The following RSPRY1 variants were observed in gnomAD, a reference collection of about 807,000 sequenced individuals.
RSPRY1 encodes RING finger and SPRY domain-containing protein 1.
A neutral mutation model predicts 73.1 loss-of-function variants in RSPRY1; 23 were observed. That is an observed-to-expected ratio of 0.31 (90% CI 0.23 to 0.45). RSPRY1 has a LOEUF of 0.45. RSPRY1 is among the 20% of genes least tolerant of loss of function. The pLI, the probability that RSPRY1 is intolerant of heterozygous loss-of-function variation, is 1.00. For missense variants in RSPRY1, 448 were observed against 698.7 expected (o/e 0.64, Z 4.05); for synonymous variants, 226 against 251.4 (o/e 0.90, Z 0.95).
At chr16:57,209,876 T>C (rs1306403757) in intron 4 of RSPRY1, among the ~76,000 whole-genome samples, 2 of 152,088 alleles carry the variant, frequency 1.3e-5, no homozygotes, top group Non-Finnish European at 2.9e-5. Context: ...GGTTTCATCA[T>C]GTTGCCCAGG....
At chr16:57,233,374 A>T (rs1404811606) in intron 13 of RSPRY1, among the ~76,000 whole-genome samples, 1 of 151,790 alleles carries the variant, frequency 6.6e-6, no homozygotes, top group East Asian at 1.9e-4. Flanking sequence ...TGTTTTTTTA[A>T]TTTTTATTTT....
intron 1 of RSPRY1, among the ~76,000 whole-genome samples, chr16:57,194,586 A>G (rs926930368): frequency 6.6e-6 from 1 of 152,192 alleles, no homozygotes; most frequent in African/African-American, 2.4e-5. Flanking sequence ...GTTGGAAAAA[A>G]AGTCACATCC....
chr16:57,187,958 T>G (rs1891473274), intron 1 of RSPRY1, among the ~76,000 whole-genome samples: 1 of 152,216 alleles, frequency 6.6e-6, no homozygotes, highest in Non-Finnish European at 1.5e-5. Flanking sequence ...TCTAAGTAAT[T>G]TGATCTCAAC....
rs555673474 is a variant in RSPRY1 at position 57,188,869 on chromosome 16, C to T, written c.-156+2418C>T. 5.3e-5 allele frequency among the ~76,000 whole-genome samples: 8 copies of T among 152,000 alleles called. No individual in the cohort carries two copies. The South Asian group carries it at 1.7e-3, about 31-fold the overall frequency. On this transcript the variant is annotated intron_variant, in intron 1 of 14. Transcript: ENST00000394420. ...TTTTCTGTTTTTGTGATCCTATATT[C>T]TGTGGATCTTTTTAAAAACTATAAC...
intron 1 of RSPRY1, among the ~76,000 whole-genome samples, chr16:57,201,296 G>C (rs1459265585): frequency 6.6e-6 from 1 of 151,680 alleles, no homozygotes. Flanking sequence ...CGGTTGCCAG[G>C]CAGAGGGTCT....
chr16:57,201,626 G>A (rs550223984), intron 1 of RSPRY1, among the ~76,000 whole-genome samples: 2 of 152,334 alleles, frequency 1.3e-5, no homozygotes, highest in East Asian at 3.9e-4. Context: ...GGTGGAGGTT[G>A]TATCGAGCCG....
chr16:57,237,288 C>T (rs1414038058), intron 14 of RSPRY1, among the ~76,000 whole-genome samples: 2 of 151,828 alleles, frequency 1.3e-5, no homozygotes, highest in Non-Finnish European at 1.5e-5. Flanking sequence ...GGATTACAGG[C>T]GCATGCCACC....
At chr16:57,209,228 T>C (rs1387900954) in intron 4 of RSPRY1, 41 bp downstream of exon 4, 2 of 1,311,634 alleles carry the variant, frequency 1.5e-6, no homozygotes, top group Non-Finnish European at 1.1e-6. Context: ...TCATTTGTGC[T>C]TAAGCACAAG....
intron 10 of RSPRY1, among the ~76,000 whole-genome samples, chr16:57,226,803 A>C (rs1426661269): frequency 6.6e-6 from 1 of 152,010 alleles, no homozygotes; most frequent in African/African-American, 2.4e-5. Context: ...AGAATGCCTA[A>C]CCTCTTGGGA....
At chr16:57,190,950 T>C (rs1184747685) in intron 1 of RSPRY1, among the ~76,000 whole-genome samples, 2 of 152,244 alleles carry the variant, frequency 1.3e-5, no homozygotes, top group African/African-American at 4.8e-5. Context: ...TTCTGAGCTT[T>C]TGAAAACTGA....
intron 3 of RSPRY1, 85 bp from the exon 4 acceptor site, chr16:57,208,990 T>G: frequency 1.1e-6 from 1 of 897,150 alleles, no homozygotes; most frequent in Non-Finnish European, 1.7e-6. Flanking sequence ...AAGTCTTTCT[T>G]TTAATGTGAA....
At chr16:57,215,162 G>A (rs2074916813) in intron 6 of RSPRY1, among the ~76,000 whole-genome samples, 2 of 152,158 alleles carry the variant, frequency 1.3e-5, no homozygotes, top group Admixed American at 1.3e-4. Context: ...ATTGTGCCCA[G>A]AGGAGGGAAA....
rs1597877354 is a variant in RSPRY1, at chr16:57,204,689, G to A, written c.31G>A (p.Ala11Thr). The change falls in exon 2 of 15, where the codon GCG (alanine) becomes ACG (threonine). Residue 11 changes from alanine (A) to threonine (T), a missense_variant. Ala to Thr is a moderately conservative substitution (Grantham distance 58). Coordinates refer to ENST00000394420, the MANE Select transcript of RSPRY1 (RefSeq NM_133368.3). MIVFGWAVFL[A>T]SRSLGQGLLL... Reference sequence around the variant, plus strand: ...CGTCTTTGGTTGGGCCGTGTTCTTAGCGAGCAGAAGCCTTGGCCAGGGTCT... The same window carrying A: ...CGTCTTTGGTTGGGCCGTGTTCTTAACGAGCAGAAGCCTTGGCCAGGGTCT... 1 of 1,614,140 alleles carries A rather than the reference G, an allele frequency of 6.2e-7. No individual in the cohort carries two copies. The highest frequency in any genetic ancestry group is 8.5e-7 in the Non-Finnish European group (1 of 1,180,008).
chr16:57,238,928 CGT>C lies in RSPRY1; in HGVS notation c.1685_1686del (p.Arg562GlnfsTer6). On this transcript the variant is annotated frameshift_variant, in exon 15 of 15. Transcript: ENST00000394420. LOFTEE classifies it high-confidence loss of function. The part of the protein sequence containing the change: ...ALQLETCPLC[R>X]KEIVSRIRQI... ...GCAGCTGGAGACCTGCCCATTGTGTCGTAAAGAAATAGTATCTAGAATCAGAC... is the reference window on the plus strand; with the variant it reads ...GCAGCTGGAGACCTGCCCATTGTGTCAAAGAAATAGTATCTAGAATCAGAC... The C allele has an allele frequency of 6.2e-7, 1 of 1,607,630 alleles. No individual in the cohort carries two copies. Among genetic ancestry groups the C allele is most frequent in the Non-Finnish European group, 8.5e-7 (1 of 1,176,760 alleles).
chr16:57,215,769 A>G (rs1158361159), intron 6 of RSPRY1, among the ~76,000 whole-genome samples: 3 of 152,254 alleles, frequency 2.0e-5, no homozygotes, highest in Non-Finnish European at 4.4e-5. Flanking sequence ...TGGCTTGCAT[A>G]AATGAATGTG....
intron 2 of RSPRY1, chr16:57,207,786 T>A (rs2074755078): frequency 1.9e-6 from 1 of 516,728 alleles, no homozygotes; most frequent in Admixed American, 2.3e-5. Flanking sequence ...GTTTTACTCC[T>A]GTGCTTTTAC....
intron 4 of RSPRY1, among the ~76,000 whole-genome samples, chr16:57,209,704 C>T (rs959521484): frequency 6.6e-6 from 1 of 151,998 alleles, no homozygotes; most frequent in African/African-American, 2.4e-5. Context: ...AACAGGGTCT[C>T]ACTTTGTCAC....
intron 1 of RSPRY1, among the ~76,000 whole-genome samples, chr16:57,196,034 A>AATATATATAT (rs1555499008): frequency 1.6e-5 from 2 of 122,822 alleles, no homozygotes; most frequent in African/African-American, 3.0e-5. Context: ...AAAAAAAAAA[A>AATATATATAT]ATATATATAT....
chr16:57,205,295 A>G (rs1308444921), intron 2 of RSPRY1: 3 of 351,344 alleles, frequency 8.5e-6, no homozygotes, highest in African/African-American at 4.1e-5. Context: ...GAGTGAGTTT[A>G]TGTTGCTAGC....
Sources: allele counts gnomAD v4.1 joint callset (sites outside exome capture counted in the v4.1 genomes callset), GRCh38; gene constraint gnomAD v4.1.1; transcripts MANE v1.5; gene names NCBI Gene and HGNC (gene_info 2026-07-23, HGNC 2026-07-21).